Variants in SNAP23 observed in about 807,000 individuals in gnomAD.
The protein encoded by SNAP23 is synaptosomal-associated protein 23.
Under a neutral mutation model 29.0 loss-of-function variants are expected in SNAP23, and 11 were observed. That is an observed-to-expected ratio of 0.38 (90% CI 0.24 to 0.63). The LOEUF is 0.63. Among genes scored for constraint, SNAP23 ranks in the 20% least tolerant of loss-of-function variants. The probability of loss-of-function intolerance (pLI) is 0.58; values close to 1 mark genes in which losing one functional copy is unlikely to be tolerated. For missense variants in SNAP23, 220 were observed against 253.9 expected (o/e 0.87, Z 0.91); for synonymous variants, 60 against 82.9 (o/e 0.72, Z 1.50).
chr15:42,526,286 A>C (rs2141553009), intron 5 of SNAP23, among the ~76,000 whole-genome samples: 1 of 152,334 alleles, frequency 6.6e-6, no homozygotes, highest in Non-Finnish European at 1.5e-5. Context: ...TATTTTAAAA[A>C]TATATATCCT....
chr15:42,491,730 A>G (rs2057166054), upstream of SNAP23, among the ~76,000 whole-genome samples: 1 of 152,012 alleles, frequency 6.6e-6, no homozygotes, highest in Non-Finnish European at 1.5e-5. Flanking sequence ...CTTTATTCTT[A>G]CTCATGCCTA....
At chr15:42,520,045 C>CTTTTTTTTTTTTTTTT (rs201577060) in intron 5 of SNAP23, among the ~76,000 whole-genome samples, 5 of 92,976 alleles carry the variant, frequency 5.4e-5, no homozygotes, top group Admixed American at 1.3e-4. Context: ...AACCCCCTTG[C>CTTTTTTTTTTTTTTTT]TTTTTTTTTT....
chr15:42,504,745 T>A (rs1043739261), intron 1 of SNAP23, among the ~76,000 whole-genome samples: 1 of 152,220 alleles, frequency 6.6e-6, no homozygotes, highest in South Asian at 2.1e-4. Context: ...GTTAGGTAAT[T>A]AACTTGGGGT....
chr15:42,529,501 T>C (rs946196233), intron 6 of SNAP23, among the ~76,000 whole-genome samples, 174 bp from the exon 7 acceptor site: 5 of 152,230 alleles, frequency 3.3e-5, no homozygotes, highest in Non-Finnish European at 7.3e-5. Flanking sequence ...TGTGCTCTCT[T>C]TGATGAGTCT....
chr15:42,502,026 CTTT>C (rs767749240), intron 1 of SNAP23, among the ~76,000 whole-genome samples: 7 of 132,486 alleles, frequency 5.3e-5, no homozygotes, highest in South Asian at 2.3e-4. Context: ...TATATTCTCT[CTTT>C]TTTTTTTTTT....
At chr15:42,510,261 CG>C (rs1336791889) in intron 1 of SNAP23, among the ~76,000 whole-genome samples, 1 of 152,094 alleles carries the variant, frequency 6.6e-6, no homozygotes, top group East Asian at 1.9e-4. Flanking sequence ...CCAACCTCCC[CG>C]GTAGCTGGGA....
chr15:42,510,261 C>T lies in SNAP23; in HGVS notation c.-14-1572C>T, dbSNP rs963805593. Among the ~76,000 whole-genome samples the T allele has an allele frequency of 3.3e-5, 5 of 151,976 alleles. No individual in the cohort carries two copies. In the East Asian group the frequency reaches 7.7e-4, roughly 23 times the overall value. On this transcript the variant is annotated intron_variant, in intron 1 of 7. Coordinates refer to ENST00000249647, the MANE Select transcript of SNAP23 (RefSeq NM_003825.4). The stretch of plus-strand genomic sequence containing the variant: ...AGCAATCCGCCCACCCCAACCTCCC[C>T]GGTAGCTGGGACTACAGGTGTGCGC...
At position 42,532,666 on chromosome 15, in the gene SNAP23, C is replaced by T. The variant is rs1035869211; in HGVS notation, c.*1188C>T. On this transcript the variant is annotated 3_prime_UTR_variant, in exon 8 of 8. Transcript: ENST00000249647. ...TTTTGGAAAAGTTTGACAAAGCATA[C>T]CACATGAATTCAGATTTACCTCAAT... 4.6e-5 allele frequency: 7 copies of T among 152,584 alleles called. No individual in the cohort carries two copies. Among genetic ancestry groups the T allele is most frequent in the African/African-American group, 1.4e-4 (6 of 41,418 alleles). The allele number at this position is 152,584 out of a possible 1,614,324, so 9.5% of individuals were successfully genotyped here. A position where few individuals can be genotyped will look rare whatever the true frequency, so the allele number is the denominator to read the frequency against.
At chr15:42,520,716 G>A (rs897078921) in intron 5 of SNAP23, among the ~76,000 whole-genome samples, 129 of 152,090 alleles carry the variant, frequency 8.5e-4, no homozygotes, top group African/African-American at 2.8e-3. Context: ...GGATGGTCTC[G>A]ATCTCCTGAC....
At chr15:42,496,825 T>C (rs1046099587) in intron 1 of SNAP23, among the ~76,000 whole-genome samples, 16 of 152,020 alleles carry the variant, frequency 1.1e-4, no homozygotes, top group Non-Finnish European at 1.8e-4. Context: ...AGGAAACTTA[T>C]AATCATGGTG....
chr15:42,521,141 G>A (rs2057445709), intron 5 of SNAP23, among the ~76,000 whole-genome samples: 1 of 152,196 alleles, frequency 6.6e-6, no homozygotes, highest in South Asian at 2.1e-4. Flanking sequence ...TGGATATACA[G>A]TAGTTACTCA....
chr15:42,501,490 G>T (rs1214050480), intron 1 of SNAP23, among the ~76,000 whole-genome samples: 1 of 152,068 alleles, frequency 6.6e-6, no homozygotes, highest in East Asian at 1.9e-4. Flanking sequence ...GCCTCAAACT[G>T]CTGAGCTCAA....
Position 42,517,916 on chromosome 15 carries a change from T to C in SNAP23, c.266+2562T>C, listed in dbSNP as rs549843030. The stretch of plus-strand genomic sequence containing the variant: ...TTGTAGAGACAGGGGTCTTGCTATG[T>C]TGCCCAGGCTTGTATCAAACTCCTG... On this transcript the variant is annotated intron_variant, in intron 5 of 7. Transcript: ENST00000249647. Among the ~76,000 whole-genome samples the C allele has an allele frequency of 5.3e-4, 80 of 152,276 alleles. 1 individual carries two copies. Among genetic ancestry groups the C allele is most frequent in the African/African-American group, 1.9e-3 (78 of 41,574 alleles).
At chr15:42,530,849 A>G (rs2057558541) in intron 7 of SNAP23, among the ~76,000 whole-genome samples, 1 of 152,236 alleles carries the variant, frequency 6.6e-6, no homozygotes, top group Admixed American at 6.5e-5. Context: ...CTTTTGATGG[A>G]TTTAATTGAA....
At chr15:42,492,676 CAAAAAAAAAAAA>C (rs35363727), upstream of SNAP23, 1 of 83,688 alleles carries the variant, frequency 1.2e-5, no homozygotes, top group Non-Finnish European at 2.2e-5. Flanking sequence ...GACTGCGTCT[CAAAAAAAAAAAA>C]AAAAAAAAAA....
chr15:42,512,825 T>C (rs2057367792), intron 2 of SNAP23, 130 bp from the exon 3 acceptor site: 1 of 658,690 alleles, frequency 1.5e-6, no homozygotes, highest in South Asian at 1.8e-5. Flanking sequence ...GCTGGGATTA[T>C]AGGCATGAGC....
At chr15:42,517,056 AT>A (rs1230647002) in intron 5 of SNAP23, among the ~76,000 whole-genome samples, 2 of 152,144 alleles carry the variant, frequency 1.3e-5, no homozygotes, top group Non-Finnish European at 2.9e-5. Context: ...AGTAGCTGGG[AT>A]TACAAATATG....
rs1166231591 is a variant in SNAP23 at position 42,531,920 on chromosome 15, A to G, written c.*442A>G. The G allele has an allele frequency of 6.5e-6, 1 of 153,114 alleles. No homozygotes were observed. Among genetic ancestry groups the G allele is most frequent in the Non-Finnish European group, 1.5e-5 (1 of 68,552 alleles). 9.5% of individuals were successfully genotyped at this position (153,114 alleles called of 1,614,324 possible). Reference sequence around the variant, plus strand: ...GTAAAAACCTTCAGGCCACAAAGCAAAAAGTTGCATAGCCACAACGAAGAT... The same window carrying G: ...GTAAAAACCTTCAGGCCACAAAGCAGAAAGTTGCATAGCCACAACGAAGAT... On this transcript the variant is annotated 3_prime_UTR_variant, in exon 8 of 8. Transcript: ENST00000249647.
chr15:42,500,555 A>C (rs948849369), intron 1 of SNAP23, among the ~76,000 whole-genome samples: 1 of 151,774 alleles, frequency 6.6e-6, no homozygotes, highest in Non-Finnish European at 1.5e-5. Flanking sequence ...CGCCTGGCTA[A>C]TTTTTTGTGT....
Sources: allele counts gnomAD v4.1 joint callset (sites outside exome capture counted in the v4.1 genomes callset), GRCh38; gene constraint gnomAD v4.1.1; transcripts MANE v1.5; gene names NCBI Gene and HGNC (gene_info 2026-07-23, HGNC 2026-07-21).